Variants in DVL3 observed in about 807,000 individuals in gnomAD.
DVL3 encodes segment polarity protein dishevelled homolog DVL-3.
Under a neutral mutation model 67.4 loss-of-function variants are expected in DVL3, and 27 were observed. The observed-to-expected ratio is 0.40, with a 90% CI of 0.30 to 0.55. The LOEUF is 0.55. DVL3 is among the 20% of genes least tolerant of loss of function. The pLI, the probability that DVL3 is intolerant of heterozygous loss-of-function variation, is 0.46. For missense variants in DVL3, 819 were observed against 1,021.5 expected (o/e 0.80, Z 2.70); for synonymous variants, 369 against 396.8 (o/e 0.93, Z 0.83).
chr3:184,166,538 G>A lies in DVL3; in HGVS notation c.980+16G>A. On this transcript the variant is annotated intron_variant, in intron 9 of 14. Coordinates refer to ENST00000313143, the MANE Select transcript of DVL3 (RefSeq NM_004423.4). This position sits in a 1 kb window ranked among gnomAD's most constrained non-coding sequence, Gnocchi z 6.7. ...ACAAACCGGGGTATGGATGGAATGGGGCACTGGGCAAGGGGCTTGGTCTGG... is the reference window on the plus strand; with the variant it reads ...ACAAACCGGGGTATGGATGGAATGGAGCACTGGGCAAGGGGCTTGGTCTGG... The A allele has an allele frequency of 6.2e-7, 1 of 1,614,144 alleles. No homozygotes were observed. Among genetic ancestry groups the A allele is most frequent in the Non-Finnish European group, 8.5e-7 (1 of 1,180,014 alleles).
rs1025016968 is a variant in DVL3, at chr3:184,173,477, G to A, written c.*2722G>A. 1.3e-5 allele frequency: 2 copies of A among 152,146 alleles called. No individual in the cohort carries two copies. Among genetic ancestry groups the A allele is most frequent in the Middle Eastern group, 3.2e-3 (1 of 316 alleles). 9.4% of individuals were successfully genotyped at this position (152,146 alleles called of 1,614,324 possible). ...TCTCTGAGCCTCAGTTCCCTCGTAT[G>A]TAAAATGATGATAATAATACCTACC... On this transcript the variant is annotated 3_prime_UTR_variant, in exon 15 of 15. Transcript: ENST00000313143.
Position 184,167,125 on chromosome 3 carries a change from A to C in DVL3, c.1198+150A>C. On this transcript the variant is annotated intron_variant, in intron 11 of 14. Transcript: ENST00000313143. The surrounding 1 kb of genome is among the most constrained non-coding windows in gnomAD (Gnocchi z 4.6). ...AGCAACCCCACACTGCAACTCCCCC[A>C]CAGCGGGCACTCCAACCCTCACTAA... 1 of 991,744 alleles carries C rather than the reference A, an allele frequency of 1.0e-6. No homozygotes were observed. The highest frequency in any genetic ancestry group is 1.6e-5 in the South Asian group (1 of 63,528). 61.4% of individuals were successfully genotyped at this position (991,744 alleles called of 1,614,324 possible).
Position 184,170,092 on chromosome 3 carries a change from G to C in DVL3, c.1585G>C (p.Ala529Pro). 2 of 1,613,906 alleles carry C rather than the reference G, an allele frequency of 1.2e-6. No individual in the cohort carries two copies. The highest frequency in any genetic ancestry group is 8.5e-7 in the Non-Finnish European group (1 of 1,179,952). Residue 529 changes from alanine (A) to proline (P), a missense_variant, in exon 14 of 15, where the codon GCC (alanine) becomes CCC (proline). Ala to Pro is a conservative substitution (Grantham distance 27). This residue lies in a region of DVL3 where 324 missense variants were observed against 331.3 expected (regional missense o/e 0.98). Transcript: ENST00000313143. This position sits in a 1 kb window ranked among gnomAD's most constrained non-coding sequence, Gnocchi z 6.5. ...ACTGGCCCCTTTGCCGCACCCGGGGGCCGCCCCTTGGCCCATGGCTTTCCC... is the reference window on the plus strand; with the variant it reads ...ACTGGCCCCTTTGCCGCACCCGGGGCCCGCCCCTTGGCCCATGGCTTTCCC... The part of the protein sequence containing the change: ...DTLAPLPHPG[A>P]APWPMAFPYQ...
At position 184,166,198 on chromosome 3, in the gene DVL3, G is replaced by C; in HGVS notation, c.836G>C (p.Gly279Ala). 6.2e-7 allele frequency: 1 copy of C among 1,613,594 alleles called. No homozygotes were observed. The highest frequency in any genetic ancestry group is 8.5e-7 in the Non-Finnish European group (1 of 1,179,906). ...NERGDGGIYI[G>A]SIMKGGAVAA... Reference sequence around the variant, plus strand: ...CGTGGTGACGGCGGCATCTACATTGGCTCTATCATGAAGGGTGGGGCCGTG... The same window carrying C: ...CGTGGTGACGGCGGCATCTACATTGCCTCTATCATGAAGGGTGGGGCCGTG... Residue 279 changes from glycine (G) to alanine (A), a missense_variant, in exon 8 of 15, where the codon GGC becomes GCC. Coordinates refer to ENST00000313143, the MANE Select transcript of DVL3 (RefSeq NM_004423.4). This position sits in a 1 kb window ranked among gnomAD's most constrained non-coding sequence, Gnocchi z 6.7.
intron 13 of DVL3, among the ~76,000 whole-genome samples, chr3:184,169,242 G>A (rs944885430): frequency 2.0e-5 from 3 of 152,202 alleles, no homozygotes; most frequent in Non-Finnish European, 2.9e-5. Flanking sequence ...GCTACTCTTC[G>A]CGTCTGTTCT....
chr3:184,169,127 G>A (rs1191160613), intron 13 of DVL3, among the ~76,000 whole-genome samples: 1 of 152,124 alleles, frequency 6.6e-6, no homozygotes, highest in Non-Finnish European at 1.5e-5. Flanking sequence ...GCTTTTAGTG[G>A]GTATTTAGTT....
At chr3:184,168,179 C>A (rs947941390) in intron 13 of DVL3, 114 bp downstream of exon 13, 6 of 1,271,052 alleles carry the variant, frequency 4.7e-6, no homozygotes, top group Non-Finnish European at 6.6e-6. Flanking sequence ...GAGCCAGGGG[C>A]CCAATTCAAG....
In DVL3 at chr3:184,165,087, G is replaced by A. The variant is rs773402693; in HGVS notation, c.600-26G>A. 5.6e-6 allele frequency: 9 copies of A among 1,613,690 alleles called. No individual in the cohort carries two copies. In the Admixed American group the frequency reaches 1.3e-4, roughly 24 times the overall value. ...ATGGGGGCAGGGCTGGGCCAGCCTG[G>A]TGGGGAACGACTGTGGGCCCCACAG... is the stretch of plus-strand genomic sequence containing the variant. On this transcript the variant is annotated intron_variant, in intron 5 of 14. Transcript: ENST00000313143. This position sits in a 1 kb window ranked among gnomAD's most constrained non-coding sequence, Gnocchi z 4.1.
rs1170741293 is a variant in DVL3 at position 184,172,980 on chromosome 3, T to C, written c.*2225T>C. ...CAGTATCAGTGCTTCCATCGTTCCA[T>C]CTTTGATTCACTTCTCTTTCCTTTC... On this transcript the variant is annotated 3_prime_UTR_variant, in exon 15 of 15. Coordinates refer to ENST00000313143, the MANE Select transcript of DVL3 (RefSeq NM_004423.4). 6.6e-6 allele frequency: 1 copy of C among 152,312 alleles called. No individual in the cohort carries two copies. The highest frequency in any genetic ancestry group is 2.4e-5 in the African/African-American group (1 of 41,452). The allele number at this position is 152,312 out of a possible 1,614,324, so 9.4% of individuals were successfully genotyped here. A position where few individuals can be genotyped will look rare whatever the true frequency, so the allele number is the denominator to read the frequency against.
chr3:184,161,805 G>T, intron 1 of DVL3, among the ~76,000 whole-genome samples: 1 of 152,180 alleles, frequency 6.6e-6, no homozygotes, highest in Non-Finnish European at 1.5e-5. Context: ...ATGGATTTTG[G>T]AGTCAAGCCT....
rs1473678966 is a variant in DVL3, at chr3:184,165,061, C to T, written c.600-52C>T. The T allele has an allele frequency of 6.2e-7, 1 of 1,610,912 alleles. No homozygotes were observed. The highest frequency in any genetic ancestry group is 1.7e-5 in the Admixed American group (1 of 59,608). ...ACCCAGGCCCTGCAGTGCCTCCCCT[C>T]ATGGGGGCAGGGCTGGGCCAGCCTG... On this transcript the variant is annotated intron_variant, in intron 5 of 14. Transcript: ENST00000313143. The surrounding 1 kb of genome is among the most constrained non-coding windows in gnomAD (Gnocchi z 4.1).
chr3:184,168,007 C>T lies in DVL3; in HGVS notation c.1440C>T (p.Thr480=), dbSNP rs758311089. 4 of 1,614,252 alleles carry T rather than the reference C, an allele frequency of 2.5e-6. No homozygotes were observed. Among genetic ancestry groups the T allele is most frequent in the Non-Finnish European group, 3.4e-6 (4 of 1,180,048 alleles). ...NLLKAGFIRH[T]VNKITFSEQC... is the part of the protein sequence containing the mutation. The stretch of plus-strand genomic sequence containing the variant: ...TGAAAGCTGGCTTCATCCGCCATAC[C>T]GTCAACAAGATCACCTTCTCCGAGC... Residue 480 remains threonine (T), a synonymous_variant, in exon 13 of 15, where the codon ACC becomes ACT. Transcript: ENST00000313143.
chr3:184,169,466 G>A (rs904968100), intron 13 of DVL3, among the ~76,000 whole-genome samples: 7 of 152,166 alleles, frequency 4.6e-5, no homozygotes, highest in South Asian at 4.1e-4. Context: ...AGGCTGAGGC[G>A]GGCAGACCAC....
rs965878495 is a variant in DVL3, at chr3:184,163,826, A to T, written c.231+100A>T. On this transcript the variant is annotated intron_variant, in intron 2 of 14. Transcript: ENST00000313143. The surrounding 1 kb of genome is among the most constrained non-coding windows in gnomAD (Gnocchi z 4.5). ...GTAGCTGGTGGTTTTAAGCTTCAGTATCTGAATCTTTCTTTAGTTTTGCAA... is the reference window on the plus strand; with the variant it reads ...GTAGCTGGTGGTTTTAAGCTTCAGTTTCTGAATCTTTCTTTAGTTTTGCAA... The T allele has an allele frequency of 6.7e-6, 7 of 1,040,304 alleles. No individual in the cohort carries two copies. The Admixed American group carries it at 1.4e-4, about 22-fold the overall frequency. 64.4% of individuals were successfully genotyped at this position (1,040,304 alleles called of 1,614,324 possible).
At position 184,166,357 on chromosome 3, in the gene DVL3, T is replaced by A; in HGVS notation, c.904-89T>A. The A allele has an allele frequency of 6.2e-7, 1 of 1,608,114 alleles. No homozygotes were observed. Among genetic ancestry groups the A allele is most frequent in the East Asian group, 2.2e-5 (1 of 44,800 alleles). ...TGCTCCTTCAGAGGCCCCTTCTTGGTTGGGGGAAGACTCCCTGACCTACCA... is the reference window on the plus strand; with the variant it reads ...TGCTCCTTCAGAGGCCCCTTCTTGGATGGGGGAAGACTCCCTGACCTACCA... On this transcript the variant is annotated intron_variant, in intron 8 of 14. Coordinates refer to ENST00000313143, the MANE Select transcript of DVL3 (RefSeq NM_004423.4). The surrounding 1 kb of genome is among the most constrained non-coding windows in gnomAD (Gnocchi z 6.7).
In DVL3 at chr3:184,164,111, A is replaced by C. The variant is rs552898385; in HGVS notation, c.232-156A>C. ...AATAGCAGGAAGTGGCAGAGGGGCC[A>C]CTGTTCATCTCAGCCACCCTCGCAC... is the stretch of plus-strand genomic sequence containing the variant. On this transcript the variant is annotated intron_variant, in intron 2 of 14. Coordinates refer to ENST00000313143, the MANE Select transcript of DVL3 (RefSeq NM_004423.4). The surrounding 1 kb of genome is among the most constrained non-coding windows in gnomAD (Gnocchi z 5.3). 1.5e-3 allele frequency among the ~76,000 whole-genome samples: 226 copies of C among 152,122 alleles called. No homozygotes were observed. Among genetic ancestry groups the C allele is most frequent in the African/African-American group, 5.3e-3 (219 of 41,510 alleles).
rs771079724 is a variant in DVL3, at chr3:184,164,217, TCTC to T, written c.232-47_232-45del. 9 of 1,596,494 alleles carry T rather than the reference TCTC, an allele frequency of 5.6e-6. No individual in the cohort carries two copies. In the African/African-American group the frequency reaches 1.2e-4, roughly 21 times the overall value. ...CCTTGCTGGAAGTGAACTATCCCCT[TCTC>T]CTTGATGCTCCTGTAACATACTACT... On this transcript the variant is annotated intron_variant, in intron 2 of 14. Transcript: ENST00000313143. This position sits in a 1 kb window ranked among gnomAD's most constrained non-coding sequence, Gnocchi z 5.3.
Position 184,165,007 on chromosome 3 carries a change from C to G in DVL3, c.599+76C>G. On this transcript the variant is annotated intron_variant, in intron 5 of 14. Transcript: ENST00000313143. The surrounding 1 kb of genome is among the most constrained non-coding windows in gnomAD (Gnocchi z 4.1). ...CCTAAACCCTGAGGATGCGGGGCCC[C>G]TGGGAGGCTTATGGGCTTTGTGTTG... The G allele has an allele frequency of 6.2e-7, 1 of 1,609,636 alleles. No individual in the cohort carries two copies. Among genetic ancestry groups the G allele is most frequent in the South Asian group, 1.1e-5 (1 of 90,742 alleles).
Position 184,167,101 on chromosome 3 carries a change from G to A in DVL3, c.1198+126G>A. On this transcript the variant is annotated intron_variant, in intron 11 of 14. Transcript: ENST00000313143. The surrounding 1 kb of genome is among the most constrained non-coding windows in gnomAD (Gnocchi z 4.6). ...TGGAGATGGGGCTCGGCTCATTCCA[G>A]CAACCCCACACTGCAACTCCCCCAC... 1 of 1,221,494 alleles carries A rather than the reference G, an allele frequency of 8.2e-7. No individual in the cohort carries two copies. Among genetic ancestry groups the A allele is most frequent in the Non-Finnish European group, 1.1e-6 (1 of 870,506 alleles). 75.7% of individuals were successfully genotyped at this position (1,221,494 alleles called of 1,614,324 possible). A position where few individuals can be genotyped will look rare whatever the true frequency, so the allele number is the denominator to read the frequency against.
Sources: allele counts gnomAD v4.1 joint callset (sites outside exome capture counted in the v4.1 genomes callset), GRCh38; gene constraint gnomAD v4.1.1; regional missense constraint gnomAD v4.1.1; non-coding constraint Gnocchi (gnomAD v3.1); transcripts MANE v1.5; gene names NCBI Gene and HGNC (gene_info 2026-07-23, HGNC 2026-07-21).